Variants in VWA3A observed in about 807,000 individuals in gnomAD.
VWA3A encodes the protein von Willebrand factor A domain-containing protein 3A.
VWA3A carries 134 observed loss-of-function variants against 160.4 expected under a neutral mutation model. The observed-to-expected ratio is 0.84, with a 90% confidence interval of 0.73 to 0.96. VWA3A has a LOEUF of 0.96. VWA3A is among the 40% of genes least tolerant of loss of function. The pLI is 0.00. For synonymous variants in VWA3A, 476 were observed against 543.4 expected, an observed-to-expected ratio of 0.88 and a Z score of 1.72; for missense variants, 1,310 against 1,447.9, an observed-to-expected ratio of 0.90 and a Z score of 1.55.
intron 6 of VWA3A, 108 bp downstream of exon 6, chr16:22,103,637 A>T: frequency 7.7e-7 from 1 of 1,300,480 alleles, no homozygotes; most frequent in Non-Finnish European, 1.1e-6. Context: ...TGCTTAAGCT[A>T]AAAAAAGGCA....
At chr16:22,155,536 A>G (rs912854857) in intron 31 of VWA3A, 31 bp from the exon 32 acceptor site, 2 of 1,603,726 alleles carry the variant, frequency 1.2e-6, no homozygotes, top group African/African-American at 2.7e-5. Flanking sequence ...CCATCCAGTC[A>G]TAAACTTCAC....
chr16:22,102,481 C>G (rs925922597), intron 5 of VWA3A, among the ~76,000 whole-genome samples: 2 of 152,126 alleles, frequency 1.3e-5, no homozygotes, highest in Admixed American at 6.5e-5. Flanking sequence ...TTTTGTCCCT[C>G]TCTAGGCCCC....
intron 21 of VWA3A, 77 bp from the exon 22 acceptor site, chr16:22,138,283 C>A (rs1269566122): frequency 1.4e-6 from 2 of 1,455,704 alleles, no homozygotes; most frequent in African/African-American, 3.4e-5. Flanking sequence ...TGGATACAGT[C>A]CCTCCTGCTG....
intron 13 of VWA3A, 136 bp downstream of exon 13, chr16:22,121,239 G>C (rs1405712548): frequency 6.1e-6 from 8 of 1,303,510 alleles, no homozygotes; most frequent in Middle Eastern, 4.3e-4. Flanking sequence ...TGAGGCCAGG[G>C]ATATGAGACC....
intron 9 of VWA3A, chr16:22,116,407 AAAAC>A (rs1204062569): frequency 2.7e-5 from 12 of 443,056 alleles, no homozygotes; most frequent in African/African-American, 6.2e-5. Flanking sequence ...AAGAGAGAGA[AAAAC>A]AAAGGAAAAA....
At chr16:22,097,973 T>G (rs963469388) in intron 3 of VWA3A, among the ~76,000 whole-genome samples, 2 of 152,218 alleles carry the variant, frequency 1.3e-5, no homozygotes, top group Non-Finnish European at 1.5e-5. Context: ...CTTAAGCATT[T>G]GATTCTAAAA....
chr16:22,147,347 C>T (rs1475779104), intron 27 of VWA3A, among the ~76,000 whole-genome samples: 1 of 152,126 alleles, frequency 6.6e-6, no homozygotes, highest in Non-Finnish European at 1.5e-5. Flanking sequence ...CAAGTCCCCT[C>T]CAGGAGAGGT....
At chr16:22,141,522 G>A in intron 23 of VWA3A, 60 bp from the exon 24 acceptor site, 1 of 1,489,386 alleles carries the variant, frequency 6.7e-7, no homozygotes, top group Non-Finnish European at 9.2e-7. Flanking sequence ...AGCCAAGCTG[G>A]ACAGCTGTAT....
chr16:22,129,748 A>T (rs1317077762), intron 17 of VWA3A, among the ~76,000 whole-genome samples: 3 of 152,308 alleles, frequency 2.0e-5, no homozygotes, highest in East Asian at 3.9e-4. Flanking sequence ...CAAAGGCAGC[A>T]CTTGGAAGAC....
Position 22,092,678 on chromosome 16 carries a change from CAG to C in VWA3A, c.14+28_14+29del, listed in dbSNP as rs773191359. On this transcript the variant is annotated intron_variant, in intron 1 of 33. Transcript: ENST00000389398. The stretch of plus-strand genomic sequence containing the variant: ...TGAGGGTGAGCATCACAAGGGTTGA[CAG>C]GGGTGGTGAGAGGGTGTCGGGGAGG... The C allele has an allele frequency of 2.0e-5, 31 of 1,550,304 alleles. No homozygotes were observed. The South Asian group carries it at 2.1e-4, about 11-fold the overall frequency.
At chr16:22,103,314 G>A (rs540083842) in intron 5 of VWA3A, among the ~76,000 whole-genome samples, 161 bp from the exon 6 acceptor site, 21 of 152,092 alleles carry the variant, frequency 1.4e-4, no homozygotes, top group Admixed American at 1.3e-4. Flanking sequence ...GACTACAGGC[G>A]TGCACTACAG....
intron 26 of VWA3A, among the ~76,000 whole-genome samples, chr16:22,145,575 G>C (rs1015794592): frequency 6.6e-6 from 1 of 151,282 alleles, no homozygotes; most frequent in African/African-American, 2.4e-5. Context: ...GGAGGCAGAG[G>C]CTGAAGTGAG....
chr16:22,135,882 T>C (rs2046031398), intron 21 of VWA3A, among the ~76,000 whole-genome samples: 1 of 152,152 alleles, frequency 6.6e-6, no homozygotes, highest in Admixed American at 6.5e-5. Context: ...CTCTGCCTCC[T>C]GAGTTCAAGC....
intron 6 of VWA3A, among the ~76,000 whole-genome samples, chr16:22,105,633 A>G (rs1009211159): frequency 3.9e-5 from 6 of 152,230 alleles, no homozygotes; most frequent in Admixed American, 3.9e-4. Context: ...CTGCTATCAG[A>G]CTTCTCTTGA....
At chr16:22,132,539 C>T (rs534174583) in intron 19 of VWA3A, among the ~76,000 whole-genome samples, 2 of 152,222 alleles carry the variant, frequency 1.3e-5, no homozygotes, top group East Asian at 3.9e-4. Context: ...CAGAGCGAGA[C>T]CCTGTCTCTT....
Position 22,117,190 on chromosome 16 carries a change from TC to T in VWA3A, c.990+15del. The T allele has an allele frequency of 6.4e-7, 1 of 1,570,868 alleles. No individual in the cohort carries two copies. Among genetic ancestry groups the T allele is most frequent in the Non-Finnish European group, 8.6e-7 (1 of 1,157,668 alleles). ...CCAAAGATGGAGGTAAGCCCTTCTG[TC>T]AACACATGGCCCCTCTTCTTCTCTC... On this transcript the variant is annotated intron_variant, in intron 11 of 33. Transcript: ENST00000389398.
chr16:22,134,278 T>G, intron 20 of VWA3A, 90 bp from the exon 21 acceptor site: 1 of 1,107,824 alleles, frequency 9.0e-7, no homozygotes, highest in Non-Finnish European at 1.3e-6. Context: ...TCAAGTCACC[T>G]CCAGGTGGCT....
chr16:22,108,890 A>G (rs186143543), intron 6 of VWA3A, among the ~76,000 whole-genome samples: 3 of 152,320 alleles, frequency 2.0e-5, no homozygotes, highest in African/African-American at 4.8e-5. Flanking sequence ...TCAAGGAGTA[A>G]TAACTGTAGA....
intron 21 of VWA3A, 45 bp from the exon 22 acceptor site, chr16:22,138,315 C>A (rs934191359): frequency 6.6e-7 from 1 of 1,504,352 alleles, no homozygotes; most frequent in Non-Finnish European, 8.9e-7. Context: ...GTGTGTGTGT[C>A]CACAGTGGCT....
Sources: gnomAD v4.1 joint callset for allele counts (sites outside exome capture counted in the v4.1 genomes callset) on GRCh38, gnomAD v4.1.1 for gene constraint, MANE v1.5 for transcripts, NCBI Gene and HGNC (gene_info 2026-07-23, HGNC 2026-07-21) for gene names.